Variants in NFATC1 observed in about 807,000 individuals in gnomAD.
NFATC1 encodes the protein nuclear factor of activated T cells 1.
NFATC1 carries 22 observed loss-of-function variants against 76.0 expected under a neutral mutation model. That is an observed-to-expected ratio of 0.29 (90% CI 0.21 to 0.41). The LOEUF is 0.41. Among genes scored for constraint, NFATC1 ranks in the 10% least tolerant of loss-of-function variants. The pLI is 1.00. For synonymous variants in NFATC1, 704 were observed against 613.1 expected (o/e 1.15, Z -2.19); for missense variants, 1,357 against 1,337.7 (o/e 1.01, Z -0.23).
intron 9 of NFATC1, among the ~76,000 whole-genome samples, chr18:79,517,514 C>CG (rs2090412428): frequency 6.6e-6 from 1 of 152,122 alleles, no homozygotes; most frequent in South Asian, 2.1e-4. Flanking sequence ...GAAAGTGAGG[C>CG]GGATGGGGAC....
intron 4 of NFATC1, among the ~76,000 whole-genome samples, chr18:79,450,488 G>T (rs1449909571): frequency 6.6e-6 from 1 of 150,770 alleles, no homozygotes; most frequent in African/African-American, 2.4e-5. Context: ...ATAATAAATT[G>T]AGCTTTTTGG....
chr18:79,461,695 G>A (rs923561109), intron 7 of NFATC1, among the ~76,000 whole-genome samples: 4 of 152,132 alleles, frequency 2.6e-5, no homozygotes, highest in South Asian at 4.1e-4. Flanking sequence ...GGACCCTCCC[G>A]CCCTTTGCTG....
At chr18:79,431,734 G>C (rs377543033) in intron 2 of NFATC1, among the ~76,000 whole-genome samples, 1 of 151,684 alleles carries the variant, frequency 6.6e-6, no homozygotes, top group Non-Finnish European at 1.5e-5. Context: ...ATGGAGTCTC[G>C]CTCTGTCGCC....
In NFATC1 at chr18:79,507,462, C is replaced by T. The variant is rs534301636; in HGVS notation, c.2783-20066C>T. ...GCTGACGGTGTGCAGCGCTGGCTGG[C>T]GCAGCCTCTGCCAAGGGAGCCCCTG... is the stretch of plus-strand genomic sequence containing the variant. On this transcript the variant is annotated intron_variant, in intron 9 of 9. Coordinates refer to ENST00000427363, the MANE Select transcript of NFATC1 (RefSeq NM_001278669.2). Among the ~76,000 whole-genome samples the T allele has an allele frequency of 3.9e-5, 6 of 152,364 alleles. No homozygotes were observed. In the East Asian group the frequency reaches 9.6e-4, roughly 24 times the overall value.
At chr18:79,481,015 C>T (rs2089253184) in intron 8 of NFATC1, among the ~76,000 whole-genome samples, 1 of 152,272 alleles carries the variant, frequency 6.6e-6, no homozygotes, top group Non-Finnish European at 1.5e-5. Context: ...ACACCAGCAT[C>T]TTCTGAGCGG....
At chr18:79,506,057 C>T (rs528266130) in intron 9 of NFATC1, among the ~76,000 whole-genome samples, 1 of 152,178 alleles carries the variant, frequency 6.6e-6, no homozygotes, top group Non-Finnish European at 1.5e-5. Context: ...AAACGTGCCT[C>T]CGTAGAATGC....
Position 79,469,484 on chromosome 18 carries a change from C to T in NFATC1, c.2092+1902C>T, listed in dbSNP as rs1263195549. The T allele has an allele frequency of 1.1e-5, 11 of 985,332 alleles. No individual in the cohort carries two copies. The South Asian group carries it at 2.8e-4, about 25-fold the overall frequency. The allele number at this position is 985,332 out of a possible 1,614,324, so 61.0% of individuals were successfully genotyped here. On this transcript the variant is annotated intron_variant, in intron 8 of 9. Coordinates refer to ENST00000427363, the MANE Select transcript of NFATC1 (RefSeq NM_001278669.2). ...CAGCATGAAGCCGGTGGGGCTGAGC[C>T]GCTCCTGCTACCTCCAGTCCACACC...
intron 3 of NFATC1, among the ~76,000 whole-genome samples, chr18:79,434,363 C>T (rs988397020): frequency 1.3e-5 from 2 of 152,198 alleles, no homozygotes; most frequent in Admixed American, 6.5e-5. Context: ...GGGAAAGCCA[C>T]GTGGAGTTAG....
intron 1 of NFATC1, among the ~76,000 whole-genome samples, chr18:79,405,413 C>T (rs767939895): frequency 3.3e-5 from 5 of 152,234 alleles, no homozygotes; most frequent in Non-Finnish European, 7.3e-5. Flanking sequence ...GCCTCAGAAT[C>T]GTCAAGAAAG....
intron 9 of NFATC1, among the ~76,000 whole-genome samples, chr18:79,495,900 C>A (rs1019968362): frequency 9.2e-5 from 14 of 151,854 alleles, no homozygotes; most frequent in Non-Finnish European, 2.1e-4. Context: ...AAGCCGTGAA[C>A]AGTAGTAAGG....
intron 8 of NFATC1, among the ~76,000 whole-genome samples, chr18:79,475,984 C>T (rs990652353): frequency 2.0e-5 from 3 of 152,274 alleles, no homozygotes; most frequent in Non-Finnish European, 2.9e-5. Context: ...ATCCGACGGG[C>T]GCACCTGGGG....
Position 79,524,501 on chromosome 18 carries a change from C to T in NFATC1, c.2783-3027C>T, listed in dbSNP as rs771267396. On this transcript the variant is annotated intron_variant, in intron 9 of 9. Coordinates refer to ENST00000427363, the MANE Select transcript of NFATC1 (RefSeq NM_001278669.2). The surrounding 1 kb of genome is among the most constrained non-coding windows in gnomAD (Gnocchi z 7.2). Reference sequence around the variant, plus strand: ...AGGGTGCCTGGGCTGTGTCTGGTCCCGGCCACGCGTCCCTGCAGCGTCTGA... The same window carrying T: ...AGGGTGCCTGGGCTGTGTCTGGTCCTGGCCACGCGTCCCTGCAGCGTCTGA... 8.5e-5 allele frequency among the ~76,000 whole-genome samples: 13 copies of T among 152,334 alleles called. No homozygotes were observed. Among genetic ancestry groups the T allele is most frequent in the South Asian group, 2.1e-4 (1 of 4,828 alleles).
At chr18:79,412,302 T>A (rs887984489) in intron 2 of NFATC1, among the ~76,000 whole-genome samples, 10 of 152,206 alleles carry the variant, frequency 6.6e-5, no homozygotes, top group African/African-American at 9.6e-5. Flanking sequence ...ATCTGAGGCA[T>A]GAAAACGTCC....
chr18:79,477,725 A>G (rs1418200195), intron 8 of NFATC1, among the ~76,000 whole-genome samples: 7 of 152,222 alleles, frequency 4.6e-5, no homozygotes, highest in African/African-American at 1.7e-4. Context: ...CTTGTAAACA[A>G]CAGACATTGA....
At chr18:79,481,217 C>A (rs1226006651) in intron 8 of NFATC1, among the ~76,000 whole-genome samples, 1 of 152,238 alleles carries the variant, frequency 6.6e-6, no homozygotes, top group Non-Finnish European at 1.5e-5. Context: ...CAAGCTGGAA[C>A]AGCAGGAAGG....
intron 9 of NFATC1, among the ~76,000 whole-genome samples, chr18:79,515,406 C>T (rs939162183): frequency 6.6e-6 from 1 of 151,540 alleles, no homozygotes; most frequent in Non-Finnish European, 1.5e-5. Flanking sequence ...TCTCCAGCCA[C>T]CTCCTTTGGG....
At chr18:79,483,829 G>T (rs2089409083) in intron 8 of NFATC1, among the ~76,000 whole-genome samples, 6 of 145,102 alleles carry the variant, frequency 4.1e-5, no homozygotes. Context: ...TGGTCCTGGG[G>T]TGTCATTCCA....
At position 79,445,236 on chromosome 18, in the gene NFATC1, A is replaced by C. The variant is rs537535219; in HGVS notation, c.1387-3546A>C. Among the ~76,000 whole-genome samples the C allele has an allele frequency of 2.6e-5, 4 of 152,352 alleles. No individual in the cohort carries two copies. In the South Asian group the frequency reaches 8.3e-4, roughly 32 times the overall value. ...CATCTGCTTTGGTGTGCCGTGGGTCACGTGGGCCTGGGCTGTGGGTAAGGT... is the reference window on the plus strand; with the variant it reads ...CATCTGCTTTGGTGTGCCGTGGGTCCCGTGGGCCTGGGCTGTGGGTAAGGT... On this transcript the variant is annotated intron_variant, in intron 3 of 9. Coordinates refer to ENST00000427363, the MANE Select transcript of NFATC1 (RefSeq NM_001278669.2).
At position 79,403,337 on chromosome 18, in the gene NFATC1, G is replaced by T. The variant is rs181615368; in HGVS notation, c.127+6986G>T. 7.2e-5 allele frequency among the ~76,000 whole-genome samples: 11 copies of T among 152,406 alleles called. No individual in the cohort carries two copies. In the East Asian group the frequency reaches 1.7e-3, roughly 24 times the overall value. Reference sequence around the variant, plus strand: ...ACCATTTGTTGGGACAATGAAAAGAGAATATTGTAAATAATTTCCCAGGCG... The same window carrying T: ...ACCATTTGTTGGGACAATGAAAAGATAATATTGTAAATAATTTCCCAGGCG... On this transcript the variant is annotated intron_variant, in intron 1 of 9. Transcript: ENST00000427363.
Sources: gnomAD v4.1 joint callset for allele counts (sites outside exome capture counted in the v4.1 genomes callset) on GRCh38, gnomAD v4.1.1 for gene constraint, Gnocchi (gnomAD v3.1) non-coding constraint, MANE v1.5 for transcripts, NCBI Gene and HGNC (gene_info 2026-07-23, HGNC 2026-07-21) for gene names.